Variants in NAB1 observed in about 807,000 individuals in gnomAD.
The protein encoded by NAB1 is NGFI-A binding protein 1.
In NAB1, 25 loss-of-function variants were observed where a neutral mutation model predicts 49.9. That is an observed-to-expected ratio of 0.50 (90% confidence interval 0.37 to 0.70). The LOEUF is 0.70. Ranked by LOEUF, NAB1 falls within the 30% of genes least tolerant of loss-of-function variation. NAB1 has a pLI of 0.00. For missense variants in NAB1, 489 were observed against 575.9 expected (o/e 0.85, Z 1.54); for synonymous variants, 198 against 215.6 (o/e 0.92, Z 0.71).
rs1046473855 is a variant in NAB1, at chr2:190,689,005, A to G, written c.1376-1240A>G. Among the ~76,000 whole-genome samples, 1 of 151,772 alleles carries G rather than the reference A, an allele frequency of 6.6e-6. No homozygotes were observed. The highest frequency in any genetic ancestry group is 2.4e-5 in the African/African-American group (1 of 41,304). ...AAGTGCCCGCCACTGCACCTGGCTA[A>G]TTTTTTGTATTTTTAGTAGAGACGG... On this transcript the variant is annotated intron_variant, in intron 9 of 9. Transcript: ENST00000337386. This position sits in a 1 kb window ranked among gnomAD's most constrained non-coding sequence, Gnocchi z 4.3.
At chr2:190,658,236 C>T (rs186471475) in intron 3 of NAB1, among the ~76,000 whole-genome samples, 58 of 152,340 alleles carry the variant, frequency 3.8e-4, no homozygotes, top group African/African-American at 6.7e-4. Context: ...CTACAGCCCT[C>T]TCCCTGATAC....
In NAB1 at chr2:190,663,313, ACTTATCTCTCCTTAG is replaced by A. The variant is rs1304487110; in HGVS notation, c.819+3321_819+3335del. Among the ~76,000 whole-genome samples the A allele has an allele frequency of 6.6e-6, 1 of 152,180 alleles. No individual in the cohort carries two copies. The highest frequency in any genetic ancestry group is 1.5e-5 in the Non-Finnish European group (1 of 68,044). On this transcript the variant is annotated intron_variant, in intron 4 of 9. Coordinates refer to ENST00000337386, the MANE Select transcript of NAB1 (RefSeq NM_005966.4). The surrounding 1 kb of genome is among the most constrained non-coding windows in gnomAD (Gnocchi z 4.2). ...AATATTGACCTAATATTGATTGTAC[ACTTATCTCTCCTTAG>A]CTCCTGACCAACCTTGCCAAAGGTT...
chr2:190,657,693 G>A lies in NAB1; in HGVS notation c.-19-1465G>A, dbSNP rs1321475804. On this transcript the variant is annotated intron_variant, in intron 3 of 9. Coordinates refer to ENST00000337386, the MANE Select transcript of NAB1 (RefSeq NM_005966.4). This position sits in a 1 kb window ranked among gnomAD's most constrained non-coding sequence, Gnocchi z 4.4. ...GAGGTTCCAGGAGATGGGACTTCCG[G>A]TAGTCAGTGCTTAGAGTGGTAGGGA... Among the ~76,000 whole-genome samples, 1 of 152,192 alleles carries A rather than the reference G, an allele frequency of 6.6e-6. No individual in the cohort carries two copies. The highest frequency in any genetic ancestry group is 1.5e-5 in the Non-Finnish European group (1 of 68,036).
rs1574424099 is a variant in NAB1 at position 190,658,922 on chromosome 2, G to A, written c.-19-236G>A. ...GTTTGATCCTTGGTTTGAACCTCCAGATTCCTGCTTACCATTTATTCTCTT... is the reference window on the plus strand; with the variant it reads ...GTTTGATCCTTGGTTTGAACCTCCAAATTCCTGCTTACCATTTATTCTCTT... On this transcript the variant is annotated intron_variant, in intron 3 of 9. Transcript: ENST00000337386. 1.1e-5 allele frequency: 4 copies of A among 376,346 alleles called. No individual in the cohort carries two copies. The Middle Eastern group carries it at 2.2e-3, about 207-fold the overall frequency. 23.3% of individuals were successfully genotyped at this position (376,346 alleles called of 1,614,324 possible). A position where few individuals can be genotyped will look rare whatever the true frequency, so the allele number is the denominator to read the frequency against.
chr2:190,661,043 T>A (rs1042812262), intron 4 of NAB1, among the ~76,000 whole-genome samples: 1 of 151,942 alleles, frequency 6.6e-6, no homozygotes, highest in Non-Finnish European at 1.5e-5. Context: ...TCCTCCCTGC[T>A]CAGCCTCTTG....
intron 4 of NAB1, among the ~76,000 whole-genome samples, chr2:190,662,760 G>C (rs1162776005): frequency 6.6e-6 from 1 of 152,194 alleles, no homozygotes; most frequent in East Asian, 1.9e-4. Context: ...TGGCATTACA[G>C]AATATTTGTC....
chr2:190,685,095 C>T lies in NAB1; in HGVS notation c.1096-381C>T, dbSNP rs1695541612. Among the ~76,000 whole-genome samples, 1 of 152,126 alleles carries T rather than the reference C, an allele frequency of 6.6e-6. No individual in the cohort carries two copies. The highest frequency in any genetic ancestry group is 2.4e-5 in the African/African-American group (1 of 41,422). On this transcript the variant is annotated intron_variant, in intron 7 of 9. Transcript: ENST00000337386. The surrounding 1 kb of genome is among the most constrained non-coding windows in gnomAD (Gnocchi z 4.5). ...ACTGCCAGATCCTAAAATAAAAATG[C>T]CAAGATTTCGCCCCAAGTGTTAGAA...
Position 190,685,418 on chromosome 2 carries a change from A to G in NAB1, c.1096-58A>G, listed in dbSNP as rs1695557001. ...TGGAGTCTGAAATTGGCATCTTTAA[A>G]CCATTAAAAAATCTAGAATGTTTCA... On this transcript the variant is annotated intron_variant, in intron 7 of 9. Transcript: ENST00000337386. The surrounding 1 kb of genome is among the most constrained non-coding windows in gnomAD (Gnocchi z 4.5). 2.7e-6 allele frequency: 4 copies of G among 1,474,928 alleles called. No homozygotes were observed. In the South Asian group the frequency reaches 5.4e-5, roughly 20 times the overall value. 91.4% of individuals were successfully genotyped at this position (1,474,928 alleles called of 1,614,324 possible). A position where few individuals can be genotyped will look rare whatever the true frequency, so the allele number is the denominator to read the frequency against.
At position 190,677,234 on chromosome 2, in the gene NAB1, A is replaced by G. The variant is rs2125790768; in HGVS notation, c.1005+4082A>G. On this transcript the variant is annotated intron_variant, in intron 6 of 9. Transcript: ENST00000337386. This position sits in a 1 kb window ranked among gnomAD's most constrained non-coding sequence, Gnocchi z 5.6. Reference sequence around the variant, plus strand: ...AAATAGCAGTATACACATTGCATAGAAGTAATCAAGATAATCTGTTGTCCT... The same window carrying G: ...AAATAGCAGTATACACATTGCATAGGAGTAATCAAGATAATCTGTTGTCCT... 6.6e-6 allele frequency: 1 copy of G among 152,354 alleles called. No individual in the cohort carries two copies. Among genetic ancestry groups the G allele is most frequent in the East Asian group, 1.9e-4 (1 of 5,190 alleles). The allele number at this position is 152,354 out of a possible 1,614,324, so 9.4% of individuals were successfully genotyped here.
chr2:190,665,571 G>C (rs1694474273), intron 4 of NAB1, among the ~76,000 whole-genome samples: 1 of 152,126 alleles, frequency 6.6e-6, no homozygotes, highest in Non-Finnish European at 1.5e-5. Context: ...TGATTTATGT[G>C]AATTCATATT....
In NAB1 at chr2:190,659,954, G is replaced by A. The variant is rs1260260563; in HGVS notation, c.778G>A (p.Asp260Asn). ...ATACAGTGCAATATATGGCAGATTT[G>A]ACTCAAAGAGGAAGGATGGGAAACA... The part of the protein sequence containing the change: ...RKYSAIYGRF[D>N]SKRKDGKHLT... The change falls in exon 4 of 10, where the codon GAC becomes AAC. Residue 260 changes from aspartate (D) to asparagine (N), a missense_variant. By Grantham distance (23) the Asp-to-Asn change is conservative (BLOSUM62 1). Transcript: ENST00000337386. This position sits in a 1 kb window ranked among gnomAD's most constrained non-coding sequence, Gnocchi z 6.2. 1.2e-6 allele frequency: 2 copies of A among 1,613,902 alleles called. No individual in the cohort carries two copies. Among genetic ancestry groups the A allele is most frequent in the Non-Finnish European group, 1.7e-6 (2 of 1,179,796 alleles).
rs1694991044 is a variant in NAB1 at position 190,674,786 on chromosome 2, C to A, written c.1005+1634C>A. ...GAAATGTGGGCTGGGTATGGTGGCTCACACCTATAATCCCAACACTTCGGG... is the reference window on the plus strand; with the variant it reads ...GAAATGTGGGCTGGGTATGGTGGCTAACACCTATAATCCCAACACTTCGGG... On this transcript the variant is annotated intron_variant, in intron 6 of 9. Coordinates refer to ENST00000337386, the MANE Select transcript of NAB1 (RefSeq NM_005966.4). The surrounding 1 kb of genome is among the most constrained non-coding windows in gnomAD (Gnocchi z 5.7). 2.6e-5 allele frequency among the ~76,000 whole-genome samples: 4 copies of A among 152,254 alleles called. No individual in the cohort carries two copies. The South Asian group carries it at 8.3e-4, about 32-fold the overall frequency.
chr2:190,669,818 A>G lies in NAB1; in HGVS notation c.820-508A>G, dbSNP rs1412997420. On this transcript the variant is annotated intron_variant, in intron 4 of 9. Transcript: ENST00000337386. This position sits in a 1 kb window ranked among gnomAD's most constrained non-coding sequence, Gnocchi z 4.3. ...TAGTCCAACACCTTGATTTTCCAAT[A>G]TAGCCCTAGTATATGATAACTCTGT... Among the ~76,000 whole-genome samples, 1 of 152,224 alleles carries G rather than the reference A, an allele frequency of 6.6e-6. No individual in the cohort carries two copies. Among genetic ancestry groups the G allele is most frequent in the Non-Finnish European group, 1.5e-5 (1 of 68,038 alleles).
rs1475466645 is a variant in NAB1, at chr2:190,663,075, T to TTGTTTTATTCTGAACTCTC, written c.819+3081_819+3099dup. Among the ~76,000 whole-genome samples, 4 of 152,258 alleles carry TTGTTTTATTCTGAACTCTC rather than the reference T, an allele frequency of 2.6e-5. No individual in the cohort carries two copies. The highest frequency in any genetic ancestry group is 5.9e-5 in the Non-Finnish European group (4 of 68,044). On this transcript the variant is annotated intron_variant, in intron 4 of 9. Coordinates refer to ENST00000337386, the MANE Select transcript of NAB1 (RefSeq NM_005966.4). This position sits in a 1 kb window ranked among gnomAD's most constrained non-coding sequence, Gnocchi z 4.2. ...AACGTGGTCACATTATTAAGTTAGC[T>TTGTTTTATTCTGAACTCTC]TGTTTTATTCTGAACTCTCAATCTC...
rs1559238748 is a variant in NAB1 at position 190,670,384 on chromosome 2, G to A, written c.878G>A (p.Arg293Lys). ...LCVKDNALLTRRDELFALARQ... is the reference protein window; with the variant it reads ...LCVKDNALLTKRDELFALARQ... Reference sequence around the variant, plus strand: ...GTGAAGGATAATGCCCTGCTGACAAGAAGAGATGAGCTTTTTGCCTTGGCT... The same window carrying A: ...GTGAAGGATAATGCCCTGCTGACAAAAAGAGATGAGCTTTTTGCCTTGGCT... The change falls in exon 5 of 10, where the codon AGA becomes AAA. Residue 293 changes from arginine to lysine, a missense_variant. By Grantham distance (26) the Arg-to-Lys change is conservative (BLOSUM62 2). Coordinates refer to ENST00000337386, the MANE Select transcript of NAB1 (RefSeq NM_005966.4). The surrounding 1 kb of genome is among the most constrained non-coding windows in gnomAD (Gnocchi z 5.3). 6.2e-7 allele frequency: 1 copy of A among 1,614,032 alleles called. No homozygotes were observed. The highest frequency in any genetic ancestry group is 8.5e-7 in the Non-Finnish European group (1 of 1,179,926).
At chr2:190,690,149 T>C (rs1400546719) in intron 9 of NAB1, 96 bp from the exon 10 acceptor site, 3 of 877,026 alleles carry the variant, frequency 3.4e-6, no homozygotes, top group African/African-American at 3.4e-5. Context: ...TTGATACTAT[T>C]TGATATGGAG....
intron 9 of NAB1, among the ~76,000 whole-genome samples, chr2:190,688,422 G>A (rs1314835739): frequency 6.6e-6 from 1 of 152,164 alleles, no homozygotes; most frequent in East Asian, 1.9e-4. Flanking sequence ...TTTAAAGCAT[G>A]CTATTGCATA....
chr2:190,651,537 G>A lies in NAB1; in HGVS notation c.-197+1555G>A, dbSNP rs1559220732. Among the ~76,000 whole-genome samples, 1 of 152,144 alleles carries A rather than the reference G, an allele frequency of 6.6e-6. No homozygotes were observed. The highest frequency in any genetic ancestry group is 1.5e-5 in the Non-Finnish European group (1 of 68,028). On this transcript the variant is annotated intron_variant, in intron 2 of 9. Coordinates refer to ENST00000337386, the MANE Select transcript of NAB1 (RefSeq NM_005966.4). The surrounding 1 kb of genome is among the most constrained non-coding windows in gnomAD (Gnocchi z 4.3). ...TTAAAGTTCAGGTTGGATGAAAACA[G>A]AAGTATGTCAGTTTCTAAAGAAAAT...
chr2:190,673,030 T>C, intron 5 of NAB1, 71 bp from the exon 6 acceptor site: 2 of 1,449,506 alleles, frequency 1.4e-6, no homozygotes, highest in Non-Finnish European at 1.9e-6. Context: ...GGTTATAGGC[T>C]GAGATGCCTT....
Sources: gnomAD v4.1 joint callset for allele counts (sites outside exome capture counted in the v4.1 genomes callset) on GRCh38, gnomAD v4.1.1 for gene constraint, Gnocchi (gnomAD v3.1) non-coding constraint, MANE v1.5 for transcripts, NCBI Gene and HGNC (gene_info 2026-07-23, HGNC 2026-07-21) for gene names.